Variants in CELF2 observed in about 807,000 individuals in gnomAD.
CELF2 encodes the protein CUGBP Elav-like family member 2, also known as CUG triplet repeat RNA-binding protein 2.
In CELF2, 8 loss-of-function variants were observed where a neutral mutation model predicts 62.6. That is an observed-to-expected ratio of 0.13 (90% CI 0.07 to 0.23). The LOEUF is 0.23. Ranked by LOEUF, CELF2 falls within the 10% of genes least tolerant of loss-of-function variation. CELF2 has a pLI of 1.00. For missense variants in CELF2, 333 were observed against 671.0 expected (o/e 0.50, Z 5.56); for synonymous variants, 258 against 250.0 (o/e 1.03, Z -0.30).
intron 1 of CELF2, among the ~76,000 whole-genome samples, chr10:11,064,536 G>A (rs753882929): frequency 2.0e-5 from 3 of 152,112 alleles, no homozygotes; most frequent in Non-Finnish European, 4.4e-5. Flanking sequence ...CTAAGCAAGT[G>A]GTATCAGTTA....
intron 1 of CELF2, among the ~76,000 whole-genome samples, chr10:10,908,665 AC>A (rs1225126038): frequency 6.6e-6 from 1 of 152,204 alleles, no homozygotes; most frequent in Non-Finnish European, 1.5e-5. Context: ...AACAACAACA[AC>A]AAAAAGATTC....
the CELF2 span, among the ~76,000 whole-genome samples, chr10:10,647,179 C>T: frequency 1.3e-5 from 2 of 152,164 alleles, no homozygotes; most frequent in East Asian, 3.9e-4. Context: ...TTCCCGTTTC[C>T]TTAACTCCCT....
chr10:11,308,387 G>C (rs924053896), intron 9 of CELF2, among the ~76,000 whole-genome samples: 1 of 152,136 alleles, frequency 6.6e-6, no homozygotes, highest in Non-Finnish European at 1.5e-5. Context: ...TTACATGTGT[G>C]TGAGTGTGCT....
intron 1 of CELF2, among the ~76,000 whole-genome samples, chr10:10,862,435 A>C (rs2060099233): frequency 6.6e-6 from 1 of 152,102 alleles, no homozygotes; most frequent in Non-Finnish European, 1.5e-5. Flanking sequence ...TTGGGCTGTC[A>C]ATCATAATGC....
intron 1 of CELF2, among the ~76,000 whole-genome samples, chr10:11,144,427 G>A (rs1320263722): frequency 1.3e-5 from 2 of 152,104 alleles, no homozygotes; most frequent in Non-Finnish European, 2.9e-5. Flanking sequence ...ATGCTTCTAC[G>A]CAACAGACTG....
chr10:11,218,377 C>A (rs904461477), intron 3 of CELF2, among the ~76,000 whole-genome samples: 1 of 152,140 alleles, frequency 6.6e-6, no homozygotes, highest in African/African-American at 2.4e-5. Context: ...GGGTATAATT[C>A]TACCTTTGTG....
chr10:10,491,294 G>A, the CELF2 span, among the ~76,000 whole-genome samples: 3 of 152,174 alleles, frequency 2.0e-5, no homozygotes, highest in South Asian at 2.1e-4. Context: ...CTGAATAGAT[G>A]CAGAATTGTC....
intron 1 of CELF2, among the ~76,000 whole-genome samples, chr10:10,808,475 T>C (rs1191293774): frequency 6.6e-6 from 1 of 152,044 alleles, no homozygotes; most frequent in Non-Finnish European, 1.5e-5. Context: ...TCAAAGTCAG[T>C]TTGGTATCAT....
the CELF2 span, among the ~76,000 whole-genome samples, chr10:10,508,268 A>C: frequency 6.6e-5 from 10 of 152,178 alleles, no homozygotes; most frequent in Non-Finnish European, 1.2e-4. Flanking sequence ...GCTGTCTTGC[A>C]TGTAAAAGGA....
chr10:10,672,155 T>C, the CELF2 span, among the ~76,000 whole-genome samples: 23 of 152,368 alleles, frequency 1.5e-4, no homozygotes, highest in African/African-American at 5.5e-4. Context: ...CTTTATCAGA[T>C]GTGTCTTTCA....
chr10:10,881,947 A>G (rs2061463957), intron 1 of CELF2, among the ~76,000 whole-genome samples: 1 of 152,188 alleles, frequency 6.6e-6, no homozygotes, highest in African/African-American at 2.4e-5. Context: ...ATTTCAATTG[A>G]CACCTTTTGT....
chr10:10,908,214 A>ATTTTTTTTTTTTTTT (rs796857171), intron 1 of CELF2, among the ~76,000 whole-genome samples: 10 of 83,734 alleles, frequency 1.2e-4, no homozygotes, highest in African/African-American at 1.5e-4. Flanking sequence ...GTATGAGGGG[A>ATTTTTTTTTTTTTTT]TTTTTTTTTT....
At position 11,217,070 on chromosome 10, in the gene CELF2, G is replaced by A. The variant is rs747260362; in HGVS notation, c.272-355G>A. On this transcript the variant is annotated intron_variant, in intron 2 of 12. Transcript: ENST00000633077. The surrounding 1 kb of genome is among the most constrained non-coding windows in gnomAD (Gnocchi z 5.6). ...AAAATTATAATTAATGTAAGCTTGT[G>A]CTGTTGTTATTGTGATTAAATGCTT... is the stretch of plus-strand genomic sequence containing the variant. Among the ~76,000 whole-genome samples the A allele has an allele frequency of 2.0e-5, 3 of 152,200 alleles. No individual in the cohort carries two copies. Among genetic ancestry groups the A allele is most frequent in the Non-Finnish European group, 4.4e-5 (3 of 68,038 alleles).
chr10:10,464,503 C>G, the CELF2 span, among the ~76,000 whole-genome samples: 11 of 152,024 alleles, frequency 7.2e-5, no homozygotes, highest in Non-Finnish European at 1.0e-4. Flanking sequence ...TGAGGTGCCT[C>G]TTCTTTGTAA....
chr10:10,586,383 T>C, the CELF2 span, among the ~76,000 whole-genome samples: 1 of 152,188 alleles, frequency 6.6e-6, no homozygotes, highest in Non-Finnish European at 1.5e-5. Flanking sequence ...GTTTCAGAGA[T>C]TGCTTGGGTG....
intron 1 of CELF2, among the ~76,000 whole-genome samples, chr10:11,019,357 C>T (rs2057915892): frequency 6.6e-6 from 1 of 152,228 alleles, no homozygotes; most frequent in African/African-American, 2.4e-5. Flanking sequence ...GGTAAGAGTG[C>T]GTGTAAAATG....
At chr10:10,955,078 A>G (rs1417261087) in intron 2 of CELF2, among the ~76,000 whole-genome samples, 1 of 152,252 alleles carries the variant, frequency 6.6e-6, no homozygotes, top group Non-Finnish European at 1.5e-5. Flanking sequence ...AGTATAATTT[A>G]TTGATTGCCT....
rs1421971168 is a variant in CELF2, at chr10:10,993,289, T to C, written c.89+73290T>C. Among the ~76,000 whole-genome samples the C allele has an allele frequency of 6.6e-6, 1 of 152,012 alleles. No homozygotes were observed. The highest frequency in any genetic ancestry group is 1.5e-5 in the Non-Finnish European group (1 of 67,956). On this transcript the variant is annotated intron_variant, in intron 2 of 13. Transcript: ENST00000636488. The surrounding 1 kb of genome is among the most constrained non-coding windows in gnomAD (Gnocchi z 5.3). ...TGTAGTTTGGCCTGGCCAAACTACA[T>C]TTGACTCATTACAAAGGCTTTGACT...
the CELF2 span, among the ~76,000 whole-genome samples, chr10:10,759,909 T>C: frequency 6.6e-6 from 1 of 152,164 alleles, no homozygotes; most frequent in African/African-American, 2.4e-5. Context: ...TTAAAATCTT[T>C]TTTTTTGTTT....
Sources: allele counts gnomAD v4.1 joint callset (sites outside exome capture counted in the v4.1 genomes callset), GRCh38; gene constraint gnomAD v4.1.1; non-coding constraint Gnocchi (gnomAD v3.1); transcripts MANE v1.5; gene names NCBI Gene and HGNC (gene_info 2026-07-23, HGNC 2026-07-21).